The following PCDH15 variants were observed in gnomAD, a reference collection of about 807,000 sequenced individuals.
The protein encoded by PCDH15 is protocadherin related 15.
In PCDH15, 129 loss-of-function variants were observed where a neutral mutation model predicts 178.5. The ratio of observed to expected loss-of-function variants is 0.72; its 90% CI spans 0.63 to 0.84. PCDH15 has a LOEUF of 0.84. Ranked by LOEUF, PCDH15 falls within the 40% of genes least tolerant of loss-of-function variation. The probability of loss-of-function intolerance (pLI) is 0.00; values close to 1 mark genes in which losing one functional copy is unlikely to be tolerated. For missense variants in PCDH15, 2,230 were observed against 2,099.9 expected (o/e 1.06, Z -1.21); for synonymous variants, 800 against 732.0 (o/e 1.09, Z -1.50).
At chr10:55,260,514 A>C (rs1200692021) in intron 1 of PCDH15, among the ~76,000 whole-genome samples, 1 of 152,168 alleles carries the variant, frequency 6.6e-6, no homozygotes, top group Admixed American at 6.5e-5. Context: ...TTAGTCAAAA[A>C]CACAAAATTT....
At chr10:54,266,889 C>A (rs2057727183) in intron 8 of PCDH15, among the ~76,000 whole-genome samples, 1 of 151,832 alleles carries the variant, frequency 6.6e-6, no homozygotes, top group Non-Finnish European at 1.5e-5. Context: ...TGAAACTATT[C>A]CAAAAAATCG....
chr10:54,849,039 T>A (rs189504215), intron 3 of PCDH15, among the ~76,000 whole-genome samples: 3,151 of 152,110 alleles, frequency 0.021, 40 homozygotes, highest in South Asian at 0.032. Context: ...CTATAAAATT[T>A]AAAAAAAATT....
At chr10:54,446,392 T>C (rs947890408) in intron 3 of PCDH15, among the ~76,000 whole-genome samples, 7 of 151,634 alleles carry the variant, frequency 4.6e-5, no homozygotes, top group African/African-American at 1.7e-4. Context: ...AGACAGTTCA[T>C]ATAATTTTTT....
At chr10:54,913,061 A>G (rs1377894972) in intron 2 of PCDH15, among the ~76,000 whole-genome samples, 1 of 152,208 alleles carries the variant, frequency 6.6e-6, no homozygotes, top group African/African-American at 2.4e-5. Context: ...AAAGTTGAAA[A>G]ATTTACCGCC....
intron 2 of PCDH15, among the ~76,000 whole-genome samples, chr10:55,602,596 C>T (rs1186876740): frequency 6.6e-5 from 10 of 152,150 alleles, no homozygotes; most frequent in South Asian, 2.1e-4. Context: ...CCCCGAGCAG[C>T]CTAACTGGGA....
chr10:53,982,904 A>G (rs1039069903), intron 21 of PCDH15, among the ~76,000 whole-genome samples: 6 of 152,040 alleles, frequency 3.9e-5, no homozygotes, highest in Non-Finnish European at 5.9e-5. Context: ...TGATTTAGTC[A>G]TTTTTCTTAA....
chr10:53,912,198 CAT>C (rs749849921), intron 25 of PCDH15, among the ~76,000 whole-genome samples: 59 of 152,260 alleles, frequency 3.9e-4, no homozygotes, highest in Non-Finnish European at 7.8e-4. Flanking sequence ...ACAAAAACCA[CAT>C]GATTATCTCA....
At chr10:55,364,082 G>T (rs1391167648) in intron 2 of PCDH15, among the ~76,000 whole-genome samples, 3 of 151,964 alleles carry the variant, frequency 2.0e-5, no homozygotes, top group African/African-American at 7.2e-5. Context: ...GAGTTCTCAC[G>T]AAATCTATTG....
intron 1 of PCDH15, among the ~76,000 whole-genome samples, chr10:55,253,818 T>C (rs1477275162): frequency 6.6e-6 from 1 of 152,196 alleles, no homozygotes; most frequent in Admixed American, 6.5e-5. Flanking sequence ...GAGTGCATAA[T>C]GGTTCAAACA....
At chr10:54,431,593 A>G (rs11492415) in intron 3 of PCDH15, among the ~76,000 whole-genome samples, 21,968 of 152,124 alleles carry the variant, frequency 0.14, 1,673 homozygotes, top group Middle Eastern at 0.24. Flanking sequence ...CTGTGTTTAG[A>G]AGGAACTAAC....
At chr10:53,831,244 A>T in intron 30 of PCDH15, 71 bp downstream of exon 30, 1 of 1,383,028 alleles carries the variant, frequency 7.2e-7, no homozygotes, top group African/African-American at 1.4e-5. Context: ...ACGCAAAGCC[A>T]TGTTACCAGA....
intron 28 of PCDH15, among the ~76,000 whole-genome samples, chr10:53,848,365 T>C (rs1900443): frequency 0.24 from 35,798 of 151,856 alleles, 5,667 homozygotes; most frequent in East Asian, 0.75. Flanking sequence ...AAATAATATA[T>C]AATGATGTCC....
rs192494221 is a variant in PCDH15 at position 55,348,429 on chromosome 10, G to A, written c.-155-181778C>T. Reference sequence around the variant, plus strand: ...TTCCAACAATAATAACAATAATAACGAGGCCCTAATGCTTGCTGGAGACAA... The same window carrying A: ...TTCCAACAATAATAACAATAATAACAAGGCCCTAATGCTTGCTGGAGACAA... On this transcript the variant is annotated intron_variant, in intron 2 of 5. Transcript: ENST00000613346. Among the ~76,000 whole-genome samples the A allele has an allele frequency of 4.1e-3, 615 of 151,496 alleles. 5 individuals carry two copies. The highest frequency in any genetic ancestry group is 0.02 in the Middle Eastern group (6 of 294).
chr10:54,743,633 C>T (rs1945085006), intron 1 of PCDH15, among the ~76,000 whole-genome samples: 1 of 151,780 alleles, frequency 6.6e-6, no homozygotes, highest in South Asian at 2.1e-4. Context: ...ATTACCACCA[C>T]TTGAAAGAAA....
At chr10:54,247,018 T>G (rs984742483) in intron 8 of PCDH15, among the ~76,000 whole-genome samples, 2 of 152,116 alleles carry the variant, frequency 1.3e-5, no homozygotes, top group East Asian at 3.9e-4. Context: ...ACAAGAGTTC[T>G]TCATATATTA....
chr10:54,058,793 A>C (rs1490372774), intron 18 of PCDH15, among the ~76,000 whole-genome samples: 1 of 151,654 alleles, frequency 6.6e-6, no homozygotes, highest in Non-Finnish European at 1.5e-5. Context: ...TCCTGGGTTC[A>C]AGCTATTCTC....
At chr10:53,826,695 T>C (rs1324251701) in intron 32 of PCDH15, among the ~76,000 whole-genome samples, 1 of 152,110 alleles carries the variant, frequency 6.6e-6, no homozygotes, top group Non-Finnish European at 1.5e-5. Context: ...CTTTTAACAG[T>C]TACCAGTGTC....
intron 1 of PCDH15, among the ~76,000 whole-genome samples, chr10:55,263,375 A>T (rs1044437108): frequency 2.0e-5 from 3 of 152,154 alleles, no homozygotes; most frequent in African/African-American, 7.2e-5. Flanking sequence ...CAAGGGTGCA[A>T]ATCAGACCAC....
At chr10:53,856,658 C>T (rs527935541) in intron 28 of PCDH15, among the ~76,000 whole-genome samples, 1 of 152,078 alleles carries the variant, frequency 6.6e-6, no homozygotes, top group Non-Finnish European at 1.5e-5. Flanking sequence ...GGTTCTGATA[C>T]ATCAAAGCAT....
Sources: allele counts gnomAD v4.1 joint callset (sites outside exome capture counted in the v4.1 genomes callset), GRCh38; gene constraint gnomAD v4.1.1; transcripts MANE v1.5; gene names NCBI Gene and HGNC (gene_info 2026-07-23, HGNC 2026-07-21).